PDE4D: variants seen among roughly 807,000 people sequenced by gnomAD.
The protein encoded by PDE4D is phosphodiesterase 4D.
Under a neutral mutation model 87.4 loss-of-function variants are expected in PDE4D, and 24 were observed. That is an observed-to-expected ratio of 0.27 (90% CI 0.20 to 0.39). The LOEUF (loss-of-function observed/expected upper bound fraction) is 0.39. Ranked by LOEUF, PDE4D falls within the 10% of genes least tolerant of loss-of-function variation. The probability of loss-of-function intolerance (pLI) is 1.00; values close to 1 mark genes in which losing one functional copy is unlikely to be tolerated. For synonymous variants in PDE4D, 384 were observed against 383.2 expected, an observed-to-expected ratio of 1.00 and a Z score of -0.02; for missense variants, 714 against 1,041.0, an observed-to-expected ratio of 0.69 and a Z score of 4.32.
In PDE4D at chr5:59,510,540, G is replaced by C. The variant is rs966491355; in HGVS notation, c.456-294572C>G. ...GCATAGTATAAGAGACAGAGGTAGA[G>C]TTCCAGATAGGTAGGTAGGTAGCTA... On this transcript the variant is annotated intron_variant, in intron 1 of 14. Transcript: ENST00000340635. Among the ~76,000 whole-genome samples, 5 of 151,914 alleles carry C rather than the reference G, an allele frequency of 3.3e-5. No individual in the cohort carries two copies. In the South Asian group the frequency reaches 1.0e-3, roughly 32 times the overall value.
At chr5:60,144,848 C>G (rs1449672878) in intron 2 of PDE4D, among the ~76,000 whole-genome samples, 1 of 152,146 alleles carries the variant, frequency 6.6e-6, no homozygotes, top group East Asian at 1.9e-4. Context: ...AGGTATTCAA[C>G]AAATCTGATA....
intron 1 of PDE4D, among the ~76,000 whole-genome samples, chr5:59,452,315 C>A (rs1289473113): frequency 6.6e-6 from 1 of 152,198 alleles, no homozygotes; most frequent in African/African-American, 2.4e-5. Context: ...CTTTATCAAA[C>A]AGCTTCCGAC....
At chr5:59,081,704 T>C (rs780434123) in intron 5 of PDE4D, among the ~76,000 whole-genome samples, 3 of 152,108 alleles carry the variant, frequency 2.0e-5, no homozygotes, top group Non-Finnish European at 2.9e-5. Context: ...GCTTAGTCTC[T>C]CAAAGTATTA....
chr5:59,518,720 T>C (rs1233100874), intron 1 of PDE4D, among the ~76,000 whole-genome samples: 1 of 152,232 alleles, frequency 6.6e-6, no homozygotes, highest in Non-Finnish European at 1.5e-5. Context: ...TTCTGCCATA[T>C]CCACATTTCT....
chr5:60,109,650 G>T (rs1447498721), intron 2 of PDE4D, among the ~76,000 whole-genome samples: 2 of 152,180 alleles, frequency 1.3e-5, no homozygotes, highest in East Asian at 1.9e-4. Flanking sequence ...AGAAAATGTG[G>T]CACATATACA....
chr5:59,635,928 A>C (rs1832183398), intron 1 of PDE4D, among the ~76,000 whole-genome samples: 1 of 152,228 alleles, frequency 6.6e-6, no homozygotes, highest in Non-Finnish European at 1.5e-5. Flanking sequence ...TCAAATAGGA[A>C]GAGAGGATGT....
At chr5:60,134,668 T>A (rs1779879584) in intron 2 of PDE4D, among the ~76,000 whole-genome samples, 1 of 152,230 alleles carries the variant, frequency 6.6e-6, no homozygotes. Context: ...TCCTCTCATA[T>A]ATTTTAAATC....
chr5:60,273,322 C>A (rs1317724263), intron 1 of PDE4D, among the ~76,000 whole-genome samples: 1 of 152,100 alleles, frequency 6.6e-6, no homozygotes, highest in Non-Finnish European at 1.5e-5. Context: ...ATCACCTCTT[C>A]AAAGGCTTAG....
chr5:59,282,363 GCGCGCGGTGGCT>G (rs1765976251), intron 1 of PDE4D, among the ~76,000 whole-genome samples: 1 of 152,020 alleles, frequency 6.6e-6, no homozygotes, highest in African/African-American at 2.4e-5. Context: ...ATTGGAGGCT[GCGCGCGGTGGCT>G]CATGCCTATA....
At chr5:59,843,536 A>G (rs571946931) in intron 1 of PDE4D, among the ~76,000 whole-genome samples, 266 of 152,106 alleles carry the variant, frequency 1.7e-3, no homozygotes, top group Admixed American at 4.1e-3. Context: ...ATGTGTCTGA[A>G]GGATTTGGTT....
intron 1 of PDE4D, among the ~76,000 whole-genome samples, chr5:59,639,856 T>A (rs961246779): frequency 3.7e-5 from 5 of 133,908 alleles, no homozygotes; most frequent in South Asian, 2.5e-4. Context: ...TGTGTGTGTG[T>A]GATGGGATGG....
intron 6 of PDE4D, chr5:58,999,733 A>G: frequency 9.5e-7 from 1 of 1,055,576 alleles, no homozygotes; most frequent in Non-Finnish European, 1.1e-6. Context: ...CATCGAATAC[A>G]TGCCATTTGT....
intron 1 of PDE4D, among the ~76,000 whole-genome samples, chr5:59,368,038 T>C (rs993782766): frequency 6.6e-6 from 1 of 152,224 alleles, no homozygotes; most frequent in African/African-American, 2.4e-5. Context: ...AAACTTCAAG[T>C]ATCCTTCCAG....
At chr5:59,356,896 G>A (rs1159645155) in intron 1 of PDE4D, 1 of 1,493,304 alleles carries the variant, frequency 6.7e-7, no homozygotes. Flanking sequence ...GTCAGAGCTG[G>A]TGCGGGGCTC....
rs185794114 is a variant in PDE4D, at chr5:59,029,529, T to C, written c.921+9330A>G. 1.6e-3 allele frequency among the ~76,000 whole-genome samples: 241 copies of C among 149,578 alleles called. 1 individual carries two copies. Among genetic ancestry groups the C allele is most frequent in the Admixed American group, 6.3e-3 (95 of 15,068 alleles). ...AACAACTGAAGAAGACAGAAATAAA[T>C]GAAAAGATATCCCATGTTCATGCAC... On this transcript the variant is annotated intron_variant, in intron 6 of 14. Transcript: ENST00000340635.
At chr5:59,787,023 G>A (rs1469496892) in intron 1 of PDE4D, among the ~76,000 whole-genome samples, 1 of 152,190 alleles carries the variant, frequency 6.6e-6, no homozygotes, top group Non-Finnish European at 1.5e-5. Flanking sequence ...ATAGATCTGA[G>A]TATAAATTAT....
intron 2 of PDE4D, chr5:59,215,552 C>CGTGTGTGT (rs10693866): frequency 7.6e-4 from 276 of 364,290 alleles, no homozygotes; most frequent in East Asian, 6.8e-3. Context: ...TAAATACATG[C>CGTGTGTGT]GTGTGTGTGT....
At chr5:59,425,579 C>T (rs946521048) in intron 1 of PDE4D, among the ~76,000 whole-genome samples, 5 of 152,120 alleles carry the variant, frequency 3.3e-5, no homozygotes, top group African/African-American at 1.2e-4. Flanking sequence ...AATACCTCCA[C>T]TCCTCTTGAT....
chr5:60,284,239 C>A (rs564996209), intron 1 of PDE4D, among the ~76,000 whole-genome samples: 1 of 152,190 alleles, frequency 6.6e-6, no homozygotes, highest in East Asian at 1.9e-4. Flanking sequence ...ATTACCTGAT[C>A]TCAAGGAAAT....
Sources: allele counts gnomAD v4.1 joint callset (sites outside exome capture counted in the v4.1 genomes callset), GRCh38; gene constraint gnomAD v4.1.1; transcripts MANE v1.5; gene names NCBI Gene and HGNC (gene_info 2026-07-23, HGNC 2026-07-21).